SPOCK1: variants seen among roughly 807,000 people sequenced by gnomAD.
SPOCK1 encodes the protein testican-1.
SPOCK1 carries 23 observed loss-of-function variants against 55.3 expected under a neutral mutation model. The ratio of observed to expected loss-of-function variants is 0.42; its 90% CI spans 0.30 to 0.59. The LOEUF (loss-of-function observed/expected upper bound fraction) is 0.59. Among genes scored for constraint, SPOCK1 ranks in the 20% least tolerant of loss-of-function variants. SPOCK1 has a pLI of 0.22. For missense variants in SPOCK1, 499 were observed against 552.5 expected (o/e 0.90, Z 0.97); for synonymous variants, 226 against 221.0 (o/e 1.02, Z -0.20).
At chr5:137,402,864 C>A (rs1752013156) in intron 2 of SPOCK1, among the ~76,000 whole-genome samples, 5 of 152,202 alleles carry the variant, frequency 3.3e-5, no homozygotes, top group Admixed American at 3.3e-4. Flanking sequence ...CTTAAAGTTT[C>A]TCCTGCTAAA....
intron 3 of SPOCK1, among the ~76,000 whole-genome samples, chr5:137,244,781 T>G (rs1042111177): frequency 2.6e-5 from 4 of 151,990 alleles, no homozygotes; most frequent in Non-Finnish European, 5.9e-5. Context: ...TGCTGGTACC[T>G]GGGTGCCCTT....
chr5:137,384,667 C>A (rs1253993432), intron 2 of SPOCK1, among the ~76,000 whole-genome samples: 1 of 151,682 alleles, frequency 6.6e-6, no homozygotes, highest in African/African-American at 2.4e-5. Flanking sequence ...GGAATTCTTT[C>A]TTACCTCTTC....
intron 3 of SPOCK1, among the ~76,000 whole-genome samples, chr5:137,194,995 G>A (rs1755270955): frequency 6.6e-6 from 1 of 152,134 alleles, no homozygotes; most frequent in African/African-American, 2.4e-5. Flanking sequence ...TCTCTTCAAT[G>A]TGGTTCTGAT....
intron 8 of SPOCK1, among the ~76,000 whole-genome samples, chr5:136,986,960 C>A (rs1244676571): frequency 6.6e-6 from 1 of 151,938 alleles, no homozygotes; most frequent in African/African-American, 2.4e-5. Flanking sequence ...CAGGAAAATT[C>A]TAGAAAAACA....
chr5:137,446,464 G>T (rs1019371230), intron 2 of SPOCK1, among the ~76,000 whole-genome samples: 6 of 152,090 alleles, frequency 3.9e-5, no homozygotes, highest in Non-Finnish European at 8.8e-5. Flanking sequence ...TCTTCCCTTT[G>T]GTCTCAGCAG....
intron 3 of SPOCK1, among the ~76,000 whole-genome samples, chr5:137,153,820 T>C (rs1488110532): frequency 1.3e-5 from 2 of 150,636 alleles, no homozygotes; most frequent in South Asian, 4.2e-4. Context: ...ATCACACCAC[T>C]GCACTCCAGC....
At chr5:137,495,081 G>A (rs1754271150) in intron 2 of SPOCK1, among the ~76,000 whole-genome samples, 1 of 152,200 alleles carries the variant, frequency 6.6e-6, no homozygotes, top group African/African-American at 2.4e-5. Context: ...GTTTATAAAA[G>A]AAGAATGACA....
intron 2 of SPOCK1, among the ~76,000 whole-genome samples, chr5:137,495,534 A>T (rs151064927): frequency 6.6e-6 from 1 of 152,274 alleles, no homozygotes; most frequent in Non-Finnish European, 1.5e-5. Flanking sequence ...AAAAATTGAC[A>T]TGCATCATAA....
intron 2 of SPOCK1, among the ~76,000 whole-genome samples, chr5:137,322,253 AG>A (rs1239493970): frequency 6.6e-6 from 1 of 151,910 alleles, no homozygotes; most frequent in Non-Finnish European, 1.5e-5. Flanking sequence ...GAATAACCTG[AG>A]CCCAAGAAGT....
rs951114621 is a variant in SPOCK1, at chr5:137,390,260, G to T, written c.186+108113C>A. On this transcript the variant is annotated intron_variant, in intron 2 of 10. Coordinates refer to ENST00000394945, the MANE Select transcript of SPOCK1 (RefSeq NM_004598.4). ...GGAGAAGTCAATCTGGGGAAATCATGCTTGCCTGGAAGCCGTATGTATCTA... is the reference window on the plus strand; with the variant it reads ...GGAGAAGTCAATCTGGGGAAATCATTCTTGCCTGGAAGCCGTATGTATCTA... 3.3e-5 allele frequency among the ~76,000 whole-genome samples: 5 copies of T among 152,250 alleles called. No individual in the cohort carries two copies. In the South Asian group the frequency reaches 1.0e-3, roughly 32 times the overall value.
chr5:136,983,293 C>T (rs1289981155), intron 9 of SPOCK1, among the ~76,000 whole-genome samples: 1 of 152,144 alleles, frequency 6.6e-6, no homozygotes, highest in African/African-American at 2.4e-5. Flanking sequence ...TCAACCCAGA[C>T]CCAGGTGACT....
At chr5:137,278,124 C>T (rs1006613983) in intron 2 of SPOCK1, among the ~76,000 whole-genome samples, 5 of 152,198 alleles carry the variant, frequency 3.3e-5, no homozygotes, top group African/African-American at 1.2e-4. Context: ...CCCTGCCATT[C>T]AGCAGCTTCT....
At chr5:137,119,545 T>G (rs1753649802) in intron 4 of SPOCK1, among the ~76,000 whole-genome samples, 1 of 152,166 alleles carries the variant, frequency 6.6e-6, no homozygotes, top group African/African-American at 2.4e-5. Context: ...TCGTGGGGTA[T>G]GTGGGCTCAC....
At chr5:137,180,618 A>C (rs1305671185) in intron 3 of SPOCK1, among the ~76,000 whole-genome samples, 1 of 152,194 alleles carries the variant, frequency 6.6e-6, no homozygotes, top group East Asian at 1.9e-4. Flanking sequence ...TCCTTGGGAC[A>C]GTTCCGTTCA....
At chr5:137,442,298 C>T (rs1356963690) in intron 2 of SPOCK1, among the ~76,000 whole-genome samples, 1 of 152,150 alleles carries the variant, frequency 6.6e-6, no homozygotes, top group Non-Finnish European at 1.5e-5. Context: ...GGGGAAGATG[C>T]AGGCAAGGAG....
At position 137,385,836 on chromosome 5, in the gene SPOCK1, G is replaced by T. The variant is rs555140152; in HGVS notation, c.186+112537C>A. On this transcript the variant is annotated intron_variant, in intron 2 of 10. Transcript: ENST00000394945. ...TGCCTTCTGAATGTTCTTGAGCAGG[G>T]ATCAGAAAACTTTTTCTGTCAAGGG... Among the ~76,000 whole-genome samples, 25 of 152,308 alleles carry T rather than the reference G, an allele frequency of 1.6e-4. 1 individual carries two copies. Among genetic ancestry groups the T allele is most frequent in the African/African-American group, 5.5e-4 (23 of 41,556 alleles).
intron 2 of SPOCK1, among the ~76,000 whole-genome samples, chr5:137,474,377 G>A (rs549459345): frequency 5.9e-5 from 9 of 152,172 alleles, no homozygotes; most frequent in Non-Finnish European, 1.0e-4. Context: ...CTCACTGTGC[G>A]AAAAATAAAG....
At chr5:137,110,517 C>T (rs1045198066) in intron 5 of SPOCK1, among the ~76,000 whole-genome samples, 5 of 152,106 alleles carry the variant, frequency 3.3e-5, no homozygotes, top group Non-Finnish European at 5.9e-5. Flanking sequence ...CATCAGTGTC[C>T]CCTTTAAATC....
chr5:137,478,510 T>C (rs1240038039), intron 2 of SPOCK1, among the ~76,000 whole-genome samples: 6 of 152,132 alleles, frequency 3.9e-5, no homozygotes, highest in Non-Finnish European at 5.9e-5. Flanking sequence ...AAATGCAACA[T>C]AAACTAAATG....
Sources: gnomAD v4.1 joint callset for allele counts (sites outside exome capture counted in the v4.1 genomes callset) on GRCh38, gnomAD v4.1.1 for gene constraint, MANE v1.5 for transcripts, NCBI Gene and HGNC (gene_info 2026-07-23, HGNC 2026-07-21) for gene names.